Variants in PTPRD observed in about 807,000 individuals in gnomAD.
The protein encoded by PTPRD is receptor-type tyrosine-protein phosphatase delta.
In PTPRD, 34 loss-of-function variants were observed where a neutral mutation model predicts 214.5. The ratio of observed to expected loss-of-function variants is 0.16; its 90% CI spans 0.12 to 0.21. The LOEUF is 0.21. Ranked by LOEUF, PTPRD falls within the 10% of genes least tolerant of loss-of-function variation. The pLI is 1.00. For synonymous variants in PTPRD, 1,128 were observed against 845.7 expected (o/e 1.33, Z -5.79); for missense variants, 2,545 against 2,398.7 (o/e 1.06, Z -1.27).
At chr9:9,890,467 T>C (rs1316088304) in intron 5 of PTPRD, among the ~76,000 whole-genome samples, 1 of 152,028 alleles carries the variant, frequency 6.6e-6, no homozygotes, top group African/African-American at 2.4e-5. Context: ...CCAAAATGCT[T>C]GGATTACAGG....
intron 2 of PTPRD, among the ~76,000 whole-genome samples, chr9:10,542,291 G>C (rs964395684): frequency 1.3e-5 from 2 of 152,112 alleles, no homozygotes; most frequent in African/African-American, 4.8e-5. Context: ...TAAGTTCACT[G>C]AAAGGGTTTG....
At chr9:10,433,691 A>G (rs2098698343) in intron 2 of PTPRD, among the ~76,000 whole-genome samples, 1 of 151,954 alleles carries the variant, frequency 6.6e-6, no homozygotes, top group African/African-American at 2.4e-5. Context: ...TAGTAATTTT[A>G]TAATTAATGT....
chr9:8,933,540 G>T lies in PTPRD; in HGVS notation c.-104+85157C>A, dbSNP rs75708053. Reference sequence around the variant, plus strand: ...CACAGACAAAGAATGACTTGAATCAGTTTTCTAATGCATGTGACTGATTTT... The same window carrying T: ...CACAGACAAAGAATGACTTGAATCATTTTTCTAATGCATGTGACTGATTTT... On this transcript the variant is annotated intron_variant, in intron 11 of 45. Transcript: ENST00000381196. Among the ~76,000 whole-genome samples the T allele has an allele frequency of 5.7e-4, 87 of 151,918 alleles. 3 individuals are homozygous for T. In the East Asian group the frequency reaches 0.016, roughly 28 times the overall value.
chr9:8,375,658 T>C (rs535212324), intron 39 of PTPRD, among the ~76,000 whole-genome samples: 4 of 152,124 alleles, frequency 2.6e-5, no homozygotes, highest in African/African-American at 9.7e-5. Context: ...TTTACATATT[T>C]ATAGCCATGT....
At chr9:8,506,247 A>AT (rs201498377) in intron 22 of PTPRD, among the ~76,000 whole-genome samples, 12 of 151,670 alleles carry the variant, frequency 7.9e-5, no homozygotes, top group South Asian at 2.1e-4. Flanking sequence ...CTTTGTGAAG[A>AT]TTTTTTTTTC....
chr9:10,288,652 T>C (rs1020664174), intron 3 of PTPRD, among the ~76,000 whole-genome samples: 3 of 152,190 alleles, frequency 2.0e-5, no homozygotes, highest in Non-Finnish European at 4.4e-5. Flanking sequence ...CCTATCTAAT[T>C]AAAGAATTAG....
Position 8,443,343 on chromosome 9 carries a change from T to C in PTPRD, c.3988+6382A>G, listed in dbSNP as rs539458775. ...AATATGAATGTATGAAGAAAGTATA[T>C]ATAAAAATGGATCTTGTTAGCATTG... On this transcript the variant is annotated intron_variant, in intron 34 of 45. Coordinates refer to ENST00000381196, the MANE Select transcript of PTPRD (RefSeq NM_002839.4). Among the ~76,000 whole-genome samples, 16 of 152,372 alleles carry C rather than the reference T, an allele frequency of 1.1e-4. 1 individual carries two copies. The Middle Eastern group carries it at 0.034, about 324-fold the overall frequency.
chr9:8,816,374 C>A (rs1234560876), intron 11 of PTPRD, among the ~76,000 whole-genome samples: 1 of 152,116 alleles, frequency 6.6e-6, no homozygotes, highest in Non-Finnish European at 1.5e-5. Context: ...ATGAGATGAG[C>A]CAAGCACTCT....
chr9:9,648,086 C>T (rs541288908), intron 7 of PTPRD, among the ~76,000 whole-genome samples: 5 of 152,034 alleles, frequency 3.3e-5, no homozygotes, highest in Non-Finnish European at 7.4e-5. Flanking sequence ...TGGACTTCTC[C>T]CCTCATCACT....
intron 33 of PTPRD, among the ~76,000 whole-genome samples, chr9:8,459,942 T>C (rs761801912): frequency 6.6e-6 from 1 of 152,120 alleles, no homozygotes; most frequent in Non-Finnish European, 1.5e-5. Flanking sequence ...TTTTGCTAAA[T>C]TTTGAGAAAT....
At chr9:9,769,464 T>C (rs1314640822) in intron 5 of PTPRD, among the ~76,000 whole-genome samples, 1 of 151,688 alleles carries the variant, frequency 6.6e-6, no homozygotes, top group Non-Finnish European at 1.5e-5. Flanking sequence ...CAGCTGGGAC[T>C]ACAGGTGCCC....
chr9:10,101,895 G>T (rs2098554976), intron 3 of PTPRD, among the ~76,000 whole-genome samples: 1 of 151,470 alleles, frequency 6.6e-6, no homozygotes, highest in African/African-American at 2.4e-5. Flanking sequence ...GTGCTGTAAG[G>T]GACAGCATTG....
At chr9:8,511,802 G>A (rs1022930995) in intron 21 of PTPRD, among the ~76,000 whole-genome samples, 1 of 152,078 alleles carries the variant, frequency 6.6e-6, no homozygotes, top group Non-Finnish European at 1.5e-5. Flanking sequence ...CAAGGAAATA[G>A]AAATGTGAGC....
intron 36 of PTPRD, among the ~76,000 whole-genome samples, chr9:8,396,530 G>C (rs2091220886): frequency 6.6e-6 from 1 of 151,682 alleles, no homozygotes. Flanking sequence ...AAACAAAAAA[G>C]CTCCAATGAA....
intron 11 of PTPRD, among the ~76,000 whole-genome samples, chr9:8,994,104 A>G (rs867810915): frequency 6.6e-6 from 1 of 152,096 alleles, no homozygotes; most frequent in Admixed American, 6.6e-5. Flanking sequence ...GCTGAGTAGA[A>G]CTAGATGGAG....
intron 10 of PTPRD, among the ~76,000 whole-genome samples, chr9:9,037,489 T>G (rs948193625): frequency 6.6e-6 from 1 of 152,112 alleles, no homozygotes; most frequent in African/African-American, 2.4e-5. Flanking sequence ...ATGGCAAAGA[T>G]AGTTTGCTCT....
At chr9:8,734,341 G>C (rs1392636364) in intron 11 of PTPRD, among the ~76,000 whole-genome samples, 2 of 152,234 alleles carry the variant, frequency 1.3e-5, no homozygotes, top group African/African-American at 4.8e-5. Flanking sequence ...AGATTTAAGA[G>C]AAGTTCCTCC....
chr9:9,213,510 C>A (rs918348587), intron 9 of PTPRD, among the ~76,000 whole-genome samples: 12 of 138,246 alleles, frequency 8.7e-5, no homozygotes, highest in Admixed American at 3.7e-4. Context: ...CCCTGTTTTC[C>A]TGGTTTTTTG....
chr9:8,469,123 C>T (rs12350975), intron 31 of PTPRD, among the ~76,000 whole-genome samples: 4,424 of 152,056 alleles, frequency 0.029, 218 homozygotes, highest in African/African-American at 0.1. Context: ...CAGATTAATG[C>T]ACCACAACTT....
Sources: gnomAD v4.1 joint callset for allele counts (sites outside exome capture counted in the v4.1 genomes callset) on GRCh38, gnomAD v4.1.1 for gene constraint, MANE v1.5 for transcripts, NCBI Gene and HGNC (gene_info 2026-07-23, HGNC 2026-07-21) for gene names.